The following METTL15 variants were observed in gnomAD, a reference collection of about 807,000 sequenced individuals.
METTL15 encodes the protein methyltransferase 15, mitochondrial 12S rRNA N4-cytidine, also known as 12S rRNA N(4)-cytidine methyltransferase METTL15.
Under a neutral mutation model 38.3 loss-of-function variants are expected in METTL15, and 34 were observed. The observed-to-expected ratio is 0.89, with a 90% CI of 0.68 to 1.18. The LOEUF (loss-of-function observed/expected upper bound fraction) is 1.18. Ranked by LOEUF, METTL15 falls within the 50% of genes most tolerant of loss-of-function variation. METTL15 has a pLI of 0.00. For missense variants in METTL15, 438 were observed against 498.4 expected (o/e 0.88, Z 1.15); for synonymous variants, 162 against 170.9 (o/e 0.95, Z 0.41).
At chr11:28,328,199 T>A (rs947468445) in intron 6 of METTL15, 18 of 1,593,760 alleles carry the variant, frequency 1.1e-5, no homozygotes, top group African/African-American at 4.1e-5. Flanking sequence ...AGTTTTGATA[T>A]GGACATCATG....
chr11:28,353,931 C>CAA lies in METTL15; in HGVS notation c.*258+1794_*258+1795dup, dbSNP rs374097845. ...TGGGCGACAGAGCGAGACTCCGTCT[C>CAA]AAAAAAAAAAAAAAAAAAAAAAGGT... On this transcript the variant is annotated intron_variant and NMD_transcript_variant, in intron 4 of 7. Coordinates refer to the METTL15 transcript ENST00000532947. 3.2e-3 allele frequency among the ~76,000 whole-genome samples: 144 copies of CAA among 45,218 alleles called. 1 individual carries two copies. Among genetic ancestry groups the CAA allele is most frequent in the South Asian group, 5.4e-3 (7 of 1,300 alleles). The allele number at this position is 45,218 out of a possible 152,430, so 29.7% of individuals were successfully genotyped here. A position where few individuals can be genotyped will look rare whatever the true frequency, so the allele number is the denominator to read the frequency against.
At chr11:28,376,916 T>C (rs963835534) in intron 5 of METTL15, among the ~76,000 whole-genome samples, 2 of 136,174 alleles carry the variant, frequency 1.5e-5, no homozygotes, top group South Asian at 2.4e-4. Context: ...CCTTCACTTA[T>C]GAAGCTTAGT....
chr11:28,128,359 T>A (rs1852586618), intron 3 of METTL15, among the ~76,000 whole-genome samples: 2 of 152,094 alleles, frequency 1.3e-5, no homozygotes, highest in Admixed American at 1.3e-4. Context: ...TAAATAATAA[T>A]TTAGCTTTAA....
At chr11:28,372,722 A>C (rs571883443) in intron 5 of METTL15, among the ~76,000 whole-genome samples, 1 of 149,978 alleles carries the variant, frequency 6.7e-6, no homozygotes, top group Admixed American at 6.6e-5. Context: ...GCACCCACTA[A>C]CTAGTCATCT....
intron 4 of METTL15, among the ~76,000 whole-genome samples, chr11:28,219,828 C>T (rs922114197): frequency 1.3e-5 from 2 of 152,096 alleles, no homozygotes; most frequent in African/African-American, 4.8e-5. Context: ...ACCCAGTAGT[C>T]ATTCAGGAGC....
chr11:28,414,091 T>G (rs1310251966), intron 5 of METTL15, among the ~76,000 whole-genome samples: 1 of 152,094 alleles, frequency 6.6e-6, no homozygotes, highest in African/African-American at 2.4e-5. Context: ...GTGATGAAGT[T>G]GGTGAGGATC....
intron 3 of METTL15, among the ~76,000 whole-genome samples, chr11:28,128,473 T>C (rs1463249924): frequency 6.6e-6 from 1 of 152,176 alleles, no homozygotes; most frequent in Non-Finnish European, 1.5e-5. Context: ...TATGTATGTA[T>C]GTTATATACA....
intron 4 of METTL15, among the ~76,000 whole-genome samples, chr11:28,220,206 G>T (rs1015103064): frequency 1.3e-5 from 2 of 152,148 alleles, no homozygotes; most frequent in African/African-American, 4.8e-5. Context: ...AAGTCTCTTT[G>T]TAGGTCTCTG....
At chr11:28,171,524 CT>C (rs1850856934) in intron 3 of METTL15, among the ~76,000 whole-genome samples, 1 of 152,042 alleles carries the variant, frequency 6.6e-6, no homozygotes, top group East Asian at 1.9e-4. Flanking sequence ...GTAATTCTGA[CT>C]TTATTTTAAT....
At chr11:28,162,866 T>C (rs574326568) in intron 3 of METTL15, among the ~76,000 whole-genome samples, 1 of 152,156 alleles carries the variant, frequency 6.6e-6, no homozygotes, top group Non-Finnish European at 1.5e-5. Context: ...TTTGACTGAA[T>C]GCATATAACT....
chr11:28,306,444 T>C (rs972809507), intron 6 of METTL15, among the ~76,000 whole-genome samples: 3 of 152,136 alleles, frequency 2.0e-5, no homozygotes, highest in African/African-American at 7.2e-5. Flanking sequence ...GATATTTATC[T>C]GAACGATCCA....
At chr11:28,369,028 A>G (rs896759843) in intron 5 of METTL15, among the ~76,000 whole-genome samples, 1 of 152,036 alleles carries the variant, frequency 6.6e-6, no homozygotes, top group African/African-American at 2.4e-5. Flanking sequence ...GGGAGGGATA[A>G]CATTAGGAGA....
chr11:28,292,894 G>T (rs985504500), intron 5 of METTL15, among the ~76,000 whole-genome samples: 10 of 151,958 alleles, frequency 6.6e-5, no homozygotes, highest in African/African-American at 1.4e-4. Flanking sequence ...TTGCCCACTT[G>T]TTGAAGGGGT....
chr11:28,422,974 A>G (rs887481161), intron 5 of METTL15, among the ~76,000 whole-genome samples: 1 of 152,036 alleles, frequency 6.6e-6, no homozygotes, highest in Middle Eastern at 3.2e-3. Context: ...AATGGAGTAT[A>G]TAAGGAGCTC....
intron 5 of METTL15, among the ~76,000 whole-genome samples, chr11:28,411,153 G>T (rs1850721016): frequency 6.6e-6 from 1 of 151,924 alleles, no homozygotes; most frequent in Non-Finnish European, 1.5e-5. Flanking sequence ...AATTAATATT[G>T]TTAATATATT....
In METTL15 at chr11:28,509,028, G is replaced by A. The variant is rs151330582; in HGVS notation, c.*425-17450G>A. On this transcript the variant is annotated intron_variant and NMD_transcript_variant, in intron 6 of 7. Transcript: ENST00000532947. Reference sequence around the variant, plus strand: ...GATATCTACTGTCTAAATTTCCTGGGCCTCCTTTTTTTGACTAGGTAGTGT... The same window carrying A: ...GATATCTACTGTCTAAATTTCCTGGACCTCCTTTTTTTGACTAGGTAGTGT... Among the ~76,000 whole-genome samples, 476 of 152,222 alleles carry A rather than the reference G, an allele frequency of 3.1e-3. 1 individual carries two copies. Among genetic ancestry groups the A allele is most frequent in the African/African-American group, 0.011 (465 of 41,540 alleles).
intron 3 of METTL15, among the ~76,000 whole-genome samples, chr11:28,142,697 T>A (rs945496313): frequency 6.6e-6 from 1 of 152,186 alleles, no homozygotes; most frequent in Non-Finnish European, 1.5e-5. Flanking sequence ...ATGCTAGGCC[T>A]TAGACCATGT....
At chr11:28,304,969 T>C (rs916416375) in intron 6 of METTL15, among the ~76,000 whole-genome samples, 7 of 152,172 alleles carry the variant, frequency 4.6e-5, no homozygotes, top group African/African-American at 1.7e-4. Context: ...ACAGTTGAAT[T>C]TGGATGGCTC....
chr11:28,203,537 T>A (rs1230218485), intron 3 of METTL15, among the ~76,000 whole-genome samples: 1 of 152,056 alleles, frequency 6.6e-6, no homozygotes, highest in African/African-American at 2.4e-5. Flanking sequence ...TTATGTAATT[T>A]CAGTGGGGAA....
Sources: allele counts gnomAD v4.1 joint callset (sites outside exome capture counted in the v4.1 genomes callset), GRCh38; gene constraint gnomAD v4.1.1; transcripts MANE v1.5; gene names NCBI Gene and HGNC (gene_info 2026-07-23, HGNC 2026-07-21).